PRPF40B: variants seen among roughly 807,000 people sequenced by gnomAD.
PRPF40B encodes pre-mRNA-processing factor 40 homolog B.
Under a neutral mutation model 124.5 loss-of-function variants are expected in PRPF40B, and 56 were observed. That is an observed-to-expected ratio of 0.45 (90% confidence interval 0.36 to 0.56). The LOEUF (loss-of-function observed/expected upper bound fraction) is 0.56. Among genes scored for constraint, PRPF40B ranks in the 20% least tolerant of loss-of-function variants. PRPF40B has a pLI of 0.00. For missense variants in PRPF40B, 1,053 were observed against 1,169.5 expected (o/e 0.90, Z 1.45); for synonymous variants, 443 against 426.4 (o/e 1.04, Z -0.48).
At chr12:49,625,221 A>G (rs558126429) in intron 1 of PRPF40B, among the ~76,000 whole-genome samples, 2 of 152,358 alleles carry the variant, frequency 1.3e-5, no homozygotes, top group South Asian at 4.1e-4. Context: ...AAGCAGTATC[A>G]TCTGTGGCGC....
At chr12:49,623,907 G>C in intron 1 of PRPF40B, 1 of 1,152,170 alleles carries the variant, frequency 8.7e-7, no homozygotes, top group East Asian at 4.1e-5. Context: ...AAGAGAGAGG[G>C]CGGAGATGAG....
At chr12:49,639,954 A>G (rs1426992964) in intron 18 of PRPF40B, 1 of 152,272 alleles carries the variant, frequency 6.6e-6, no homozygotes, top group Non-Finnish European at 1.5e-5. Context: ...TTGGACAATT[A>G]ACTTTTAGCC....
chr12:49,634,491 G>A (rs1476561142), intron 11 of PRPF40B, 36 bp downstream of exon 11: 2 of 1,614,068 alleles, frequency 1.2e-6, no homozygotes, highest in Non-Finnish European at 1.7e-6. Flanking sequence ...GGTTTGGAGG[G>A]GGCTGGAGCG....
In PRPF40B at chr12:49,643,417, G is replaced by A. The variant is rs374374885; in HGVS notation, c.2380+20G>A. 1.3e-4 allele frequency: 204 copies of A among 1,535,172 alleles called. No individual in the cohort carries two copies. The highest frequency in any genetic ancestry group is 5.0e-4 in the African/African-American group (36 of 72,312). Reference sequence around the variant, plus strand: ...GAGCAGGTAAGCAGTTGCTGTGAGCGTAGAAGCTGGAGAACTGTTGTCCCA... The same window carrying A: ...GAGCAGGTAAGCAGTTGCTGTGAGCATAGAAGCTGGAGAACTGTTGTCCCA... On this transcript the variant is annotated intron_variant, in intron 23 of 25. Transcript: ENST00000548825.
At position 49,642,142 on chromosome 12, in the gene PRPF40B, A is replaced by G; in HGVS notation, c.1885-93A>G. The G allele has an allele frequency of 1.2e-6, 2 of 1,607,176 alleles. No homozygotes were observed. The highest frequency in any genetic ancestry group is 1.7e-5 in the Admixed American group (1 of 59,826). On this transcript the variant is annotated intron_variant, in intron 19 of 25. Coordinates refer to ENST00000548825, the MANE Select transcript of PRPF40B (RefSeq NM_001031698.3). This position sits in a 1 kb window ranked among gnomAD's most constrained non-coding sequence, Gnocchi z 5.8. Reference sequence around the variant, plus strand: ...ATTCAGGGGATGGTGGTAGAAGCCCAGACCCTAACTTTCCACCTCCTAAGG... The same window carrying G: ...ATTCAGGGGATGGTGGTAGAAGCCCGGACCCTAACTTTCCACCTCCTAAGG...
At chr12:49,634,963 A>C in intron 12 of PRPF40B, 136 bp from the exon 13 acceptor site, 3 of 900,784 alleles carry the variant, frequency 3.3e-6, no homozygotes, top group Non-Finnish European at 5.0e-6. Flanking sequence ...TTCTCCATGA[A>C]TGGTGTTCAG....
At chr12:49,636,143 T>G in intron 15 of PRPF40B, 150 bp downstream of exon 15, 1 of 987,356 alleles carries the variant, frequency 1.0e-6, no homozygotes, top group East Asian at 2.6e-5. Context: ...TGTACCTCTT[T>G]GGACTCCGGG....
chr12:49,634,892 G>A, intron 12 of PRPF40B: 1 of 648,910 alleles, frequency 1.5e-6, no homozygotes, highest in Middle Eastern at 4.2e-4. Context: ...AAAGGAAAAG[G>A]GCCCAGTATT....
In PRPF40B at chr12:49,634,374, G is replaced by A; in HGVS notation, c.855G>A (p.Lys285=). The change falls in exon 11 of 26, where the codon AAG becomes AAA. Residue 285 remains lysine, a synonymous_variant. Coordinates refer to ENST00000548825, the MANE Select transcript of PRPF40B (RefSeq NM_001031698.3). ...HQPQQEEEES[K]PEPERSGLSW... ...CACAGCAGGAGGAGGAGGAATCAAA[G>A]CCAGAACCAGAGAGGTCTGGCCTCA... 1 of 1,614,254 alleles carries A rather than the reference G, an allele frequency of 6.2e-7. No individual in the cohort carries two copies. Among genetic ancestry groups the A allele is most frequent in the Non-Finnish European group, 8.5e-7 (1 of 1,180,042 alleles).
intron 1 of PRPF40B, among the ~76,000 whole-genome samples, chr12:49,629,679 C>A (rs1226962892): frequency 6.6e-6 from 1 of 152,040 alleles, no homozygotes; most frequent in Non-Finnish European, 1.5e-5. Context: ...ATAATAATTA[C>A]AAAATTATGT....
In PRPF40B at chr12:49,631,781, A is replaced by G; in HGVS notation, c.229-79A>G. The G allele has an allele frequency of 7.0e-7, 1 of 1,433,426 alleles. No homozygotes were observed. Among genetic ancestry groups the G allele is most frequent in the Non-Finnish European group, 9.8e-7 (1 of 1,016,924 alleles). 88.8% of individuals were successfully genotyped at this position (1,433,426 alleles called of 1,614,324 possible). A position where few individuals can be genotyped will look rare whatever the true frequency, so the allele number is the denominator to read the frequency against. The stretch of plus-strand genomic sequence containing the variant: ...GGTCATGGCTCCAGTGAGATGTCTC[A>G]GGACCCTTTGAGGTACCCTGTCCCT... On this transcript the variant is annotated intron_variant, in intron 3 of 25. Coordinates refer to ENST00000548825, the MANE Select transcript of PRPF40B (RefSeq NM_001031698.3). This position sits in a 1 kb window ranked among gnomAD's most constrained non-coding sequence, Gnocchi z 4.3.
chr12:49,632,645 T>TC lies in PRPF40B; in HGVS notation c.322+28dup, dbSNP rs770640534. 24 of 1,612,212 alleles carry TC rather than the reference T, an allele frequency of 1.5e-5. No homozygotes were observed. In the South Asian group the frequency reaches 1.8e-4, roughly 12 times the overall value. ...AGCTGTGAGTCTTCTGGGGGCCTGCTCCCCCCAGGCTCGGAGGTTGGGGGG... is the reference window on the plus strand; with the variant it reads ...AGCTGTGAGTCTTCTGGGGGCCTGCTCCCCCCCAGGCTCGGAGGTTGGGGGG... On this transcript the variant is annotated intron_variant, in intron 5 of 25. Coordinates refer to ENST00000548825, the MANE Select transcript of PRPF40B (RefSeq NM_001031698.3).
At chr12:49,633,270 C>T (rs1388127164) in intron 7 of PRPF40B, 146 bp downstream of exon 7, 1 of 1,276,744 alleles carries the variant, frequency 7.8e-7, no homozygotes, top group East Asian at 2.3e-5. Context: ...GGAAATGCCT[C>T]CATAGGATCT....
At position 49,636,864 on chromosome 12, in the gene PRPF40B, C is replaced by T; in HGVS notation, c.1560+15C>T. ...AGGCCTTCCAGGTATCTTTGCTGTC[C>T]TTTCTAGATCAGAGCTCAGCTCTGC... is the stretch of plus-strand genomic sequence containing the variant. On this transcript the variant is annotated intron_variant, in intron 16 of 25. Coordinates refer to ENST00000548825, the MANE Select transcript of PRPF40B (RefSeq NM_001031698.3). 6.2e-7 allele frequency: 1 copy of T among 1,613,248 alleles called. No homozygotes were observed. The highest frequency in any genetic ancestry group is 8.5e-7 in the Non-Finnish European group (1 of 1,179,968).
chr12:49,633,441 A>G lies in PRPF40B; in HGVS notation c.474A>G (p.Gln158=), dbSNP rs142195498. 3,361 of 1,614,086 alleles carry G rather than the reference A, an allele frequency of 2.1e-3. 33 individuals are homozygous for G. The highest frequency in any genetic ancestry group is 0.012 in the South Asian group (1,094 of 91,074). ...LKSKAELLLS[Q]CPWKEYKSDT... ...TCCACTTGCAGCTGCTCCTGTCCCAATGTCCCTGGAAAGAGTACAAGTCGG... is the reference window on the plus strand; with the variant it reads ...TCCACTTGCAGCTGCTCCTGTCCCAGTGTCCCTGGAAAGAGTACAAGTCGG... Residue 158 remains glutamine, a synonymous_variant, in exon 8 of 26, where the codon CAA becomes CAG. Transcript: ENST00000548825.
chr12:49,626,354 CAT>C (rs753098680), intron 1 of PRPF40B, among the ~76,000 whole-genome samples: 9 of 152,304 alleles, frequency 5.9e-5, no homozygotes, highest in African/African-American at 1.4e-4. Flanking sequence ...GAAATCCCCA[CAT>C]GAGTGGGAGA....
At chr12:49,628,317 G>A (rs566508961) in intron 1 of PRPF40B, among the ~76,000 whole-genome samples, 20 of 151,862 alleles carry the variant, frequency 1.3e-4, no homozygotes, top group African/African-American at 4.8e-4. Flanking sequence ...CTGGAGTGCA[G>A]TGGTGCAGTC....
intron 1 of PRPF40B, among the ~76,000 whole-genome samples, chr12:49,628,080 T>G (rs748832592): frequency 2.0e-4 from 30 of 152,202 alleles, no homozygotes; most frequent in Non-Finnish European, 2.5e-4. Context: ...CACAGAAAAT[T>G]GTATTTCCTC....
chr12:49,632,531 A>T, intron 4 of PRPF40B, 65 bp from the exon 5 acceptor site: 1 of 1,550,896 alleles, frequency 6.4e-7, no homozygotes, highest in Non-Finnish European at 8.8e-7. Flanking sequence ...TCCATCCCCC[A>T]TGGCCTGGGT....
Sources: allele counts gnomAD v4.1 joint callset (sites outside exome capture counted in the v4.1 genomes callset), GRCh38; gene constraint gnomAD v4.1.1; non-coding constraint Gnocchi (gnomAD v3.1); transcripts MANE v1.5; gene names NCBI Gene and HGNC (gene_info 2026-07-23, HGNC 2026-07-21).